The following PDE4D variants were observed in gnomAD, a reference collection of about 807,000 sequenced individuals.
PDE4D encodes the protein phosphodiesterase 4D.
PDE4D carries 24 observed loss-of-function variants against 87.4 expected under a neutral mutation model. The observed-to-expected ratio is 0.27, with a 90% CI of 0.20 to 0.39. PDE4D has a LOEUF of 0.39. Among genes scored for constraint, PDE4D ranks in the 10% least tolerant of loss-of-function variants. The pLI is 1.00. For synonymous variants in PDE4D, 384 were observed against 383.2 expected, an observed-to-expected ratio of 1.00 and a Z score of -0.02; for missense variants, 714 against 1,041.0, an observed-to-expected ratio of 0.69 and a Z score of 4.32.
chr5:59,922,719 C>T (rs562380945), intron 3 of PDE4D, among the ~76,000 whole-genome samples: 1 of 152,124 alleles, frequency 6.6e-6, no homozygotes, highest in South Asian at 2.1e-4. Context: ...GTGGTACTCA[C>T]TGTGGGCCTG....
At chr5:60,372,583 G>C (rs968192832) in intron 1 of PDE4D, 1 of 152,162 alleles carries the variant, frequency 6.6e-6, no homozygotes, top group Non-Finnish European at 1.5e-5. Flanking sequence ...AAACCTGCAT[G>C]TTCCCTTGCA....
At chr5:59,453,520 A>C (rs1799468897) in intron 1 of PDE4D, among the ~76,000 whole-genome samples, 1 of 152,258 alleles carries the variant, frequency 6.6e-6, no homozygotes, top group Non-Finnish European at 1.5e-5. Flanking sequence ...AGTGAATACA[A>C]ATGATAAGAA....
chr5:60,317,421 A>G (rs1203213921), intron 1 of PDE4D, among the ~76,000 whole-genome samples: 3 of 151,954 alleles, frequency 2.0e-5, no homozygotes, highest in Non-Finnish European at 4.4e-5. Flanking sequence ...AATTTTGTTG[A>G]TCTTTTCAAA....
intron 3 of PDE4D, among the ~76,000 whole-genome samples, chr5:59,950,753 G>T (rs1436319505): frequency 6.6e-6 from 1 of 151,896 alleles, no homozygotes. Context: ...TTATCTTTTG[G>T]CTTTCTGAGA....
At chr5:60,033,362 G>T (rs762568869) in intron 2 of PDE4D, among the ~76,000 whole-genome samples, 2 of 152,088 alleles carry the variant, frequency 1.3e-5, no homozygotes, top group African/African-American at 4.8e-5. Context: ...TCAAAGAAAA[G>T]ATATTCAAAC....
At chr5:59,085,413 T>G (rs749526525) in intron 5 of PDE4D, among the ~76,000 whole-genome samples, 2 of 152,204 alleles carry the variant, frequency 1.3e-5, no homozygotes, top group Non-Finnish European at 2.9e-5. Flanking sequence ...GCATAATTAT[T>G]GACAGTTCGT....
chr5:60,231,586 A>C (rs1026384993), intron 1 of PDE4D, among the ~76,000 whole-genome samples: 1 of 152,000 alleles, frequency 6.6e-6, no homozygotes. Context: ...ATGTCCAATA[A>C]AAATCCATGC....
chr5:60,035,492 C>T (rs1472232089), intron 2 of PDE4D, among the ~76,000 whole-genome samples: 1 of 152,128 alleles, frequency 6.6e-6, no homozygotes, highest in Non-Finnish European at 1.5e-5. Flanking sequence ...AACCAAGAGC[C>T]AAACTCTGTA....
intron 5 of PDE4D, among the ~76,000 whole-genome samples, chr5:59,125,556 C>A (rs963516718): frequency 9.9e-5 from 15 of 152,154 alleles, no homozygotes; most frequent in Admixed American, 9.8e-4. Flanking sequence ...CAAAGGGGGC[C>A]TAAATCAATC....
chr5:59,266,165 G>A (rs2153538357), intron 1 of PDE4D, among the ~76,000 whole-genome samples: 1 of 152,070 alleles, frequency 6.6e-6, no homozygotes, highest in African/African-American at 2.4e-5. Context: ...GGAAGGCTAA[G>A]GCAGGAGGAT....
intron 1 of PDE4D, among the ~76,000 whole-genome samples, chr5:60,370,758 T>C (rs988368114): frequency 6.6e-6 from 1 of 151,764 alleles, no homozygotes; most frequent in African/African-American, 2.4e-5. Context: ...GTTTTGTGTA[T>C]ATGTGTGTGT....
intron 1 of PDE4D, among the ~76,000 whole-genome samples, chr5:59,427,488 C>G (rs1795465007): frequency 1.3e-5 from 2 of 152,074 alleles, no homozygotes; most frequent in African/African-American, 2.4e-5. Flanking sequence ...ACTTTACAGT[C>G]CAATTGGGTG....
chr5:59,255,699 T>C (rs540596174), intron 1 of PDE4D, among the ~76,000 whole-genome samples: 1 of 152,262 alleles, frequency 6.6e-6, no homozygotes, highest in African/African-American at 2.4e-5. Context: ...AATGTGCAGA[T>C]TATACTTCTT....
At chr5:60,347,624 A>T (rs938028876) in intron 1 of PDE4D, among the ~76,000 whole-genome samples, 55 of 152,150 alleles carry the variant, frequency 3.6e-4, no homozygotes, top group African/African-American at 1.3e-3. Context: ...TTAAATGCAG[A>T]CATGATTTAG....
At chr5:59,672,029 G>T (rs1186053928) in intron 1 of PDE4D, among the ~76,000 whole-genome samples, 1 of 152,018 alleles carries the variant, frequency 6.6e-6, no homozygotes, top group Non-Finnish European at 1.5e-5. Context: ...TAACTCTATA[G>T]CACACTCTTG....
chr5:59,390,646 AAG>A (rs1422398282), intron 1 of PDE4D, among the ~76,000 whole-genome samples: 3 of 152,160 alleles, frequency 2.0e-5, no homozygotes, highest in African/African-American at 7.2e-5. Context: ...ATGTACAGCA[AAG>A]AGAAGACATC....
At chr5:59,300,234 G>C (rs1347662000) in intron 1 of PDE4D, among the ~76,000 whole-genome samples, 22 of 151,130 alleles carry the variant, frequency 1.5e-4, no homozygotes, top group Admixed American at 1.5e-3. Flanking sequence ...GGATAGATCA[G>C]ATGTTGGCAA....
intron 1 of PDE4D, among the ~76,000 whole-genome samples, chr5:59,809,871 C>G (rs1768146206): frequency 6.6e-6 from 1 of 152,162 alleles, no homozygotes; most frequent in African/African-American, 2.4e-5. Context: ...TCATCTAGGG[C>G]CCGGGGTCCA....
chr5:60,114,418 T>C (rs2149363658), intron 2 of PDE4D, among the ~76,000 whole-genome samples: 1 of 152,218 alleles, frequency 6.6e-6, no homozygotes, highest in African/African-American at 2.4e-5. Flanking sequence ...ACTATCTAAT[T>C]CAGATTAGTC....
Sources: gnomAD v4.1 joint callset for allele counts (sites outside exome capture counted in the v4.1 genomes callset) on GRCh38, gnomAD v4.1.1 for gene constraint, MANE v1.5 for transcripts, NCBI Gene and HGNC (gene_info 2026-07-23, HGNC 2026-07-21) for gene names.